Variants in CPNE1 observed in about 807,000 individuals in gnomAD.
The protein encoded by CPNE1 is copine 1, also known as copine-1.
CPNE1 carries 58 observed loss-of-function variants against 63.2 expected under a neutral mutation model. The observed-to-expected ratio is 0.92, with a 90% CI of 0.74 to 1.14. The LOEUF (loss-of-function observed/expected upper bound fraction) is 1.14. Ranked by LOEUF, CPNE1 falls within the 50% of genes most tolerant of loss-of-function variation. CPNE1 has a pLI of 0.00. For missense variants in CPNE1, 672 were observed against 661.7 expected (o/e 1.02, Z -0.17); for synonymous variants, 237 against 249.0 (o/e 0.95, Z 0.45).
chr20:35,658,186 G>A (rs1486452552), intron 1 of CPNE1, among the ~76,000 whole-genome samples: 2 of 152,200 alleles, frequency 1.3e-5, no homozygotes, highest in Non-Finnish European at 2.9e-5. Context: ...TTAAACAAGA[G>A]GGTTAGATTC....
chr20:35,634,931 A>G (rs1287873169), intron 1 of CPNE1, among the ~76,000 whole-genome samples: 2 of 134,434 alleles, frequency 1.5e-5, no homozygotes, highest in Admixed American at 1.6e-4. Flanking sequence ...TTTTGTAGAG[A>G]CAGGGTCTCA....
intron 1 of CPNE1, chr20:35,658,936 AAAC>A: frequency 1.4e-6 from 1 of 716,890 alleles, no homozygotes; most frequent in Middle Eastern, 2.3e-4. Flanking sequence ...TTACCTGATA[AAAC>A]AAGAGATGAA....
chr20:35,642,205 A>G (rs1416061074), intron 1 of CPNE1, among the ~76,000 whole-genome samples: 1 of 152,184 alleles, frequency 6.6e-6, no homozygotes, highest in Non-Finnish European at 1.5e-5. Context: ...TCAGTGCCAA[A>G]TGAGCTGAAA....
intron 1 of CPNE1, chr20:35,655,244 T>G: frequency 6.2e-7 from 1 of 1,613,712 alleles, no homozygotes; most frequent in South Asian, 1.1e-5. Flanking sequence ...TCAGGAATGG[T>G]CAATCCAGAG....
intron 1 of CPNE1, chr20:35,643,032 A>T (rs2032898590): frequency 6.6e-6 from 1 of 152,324 alleles, no homozygotes; most frequent in Non-Finnish European, 1.5e-5. Context: ...AAGTTGAACA[A>T]ATCTGACCAC....
chr20:35,660,364 G>A (rs1239835058), intron 1 of CPNE1, among the ~76,000 whole-genome samples: 1 of 152,076 alleles, frequency 6.6e-6, no homozygotes, highest in African/African-American at 2.4e-5. Flanking sequence ...CTACAGGCTT[G>A]CGCCACCACC....
intron 13 of CPNE1, among the ~76,000 whole-genome samples, chr20:35,629,963 G>A (rs2032006305): frequency 6.6e-6 from 1 of 152,128 alleles, no homozygotes; most frequent in Non-Finnish European, 1.5e-5. Context: ...CTCCTGGCCT[G>A]GCATGACGAT....
At chr20:35,643,447 G>A (rs887509796) in intron 1 of CPNE1, 2 of 152,218 alleles carry the variant, frequency 1.3e-5, no homozygotes, top group African/African-American at 2.4e-5. Context: ...AAGTCTTCAC[G>A]TGAGTACTTC....
intron 1 of CPNE1, among the ~76,000 whole-genome samples, chr20:35,634,734 CAA>C (rs2032385450): frequency 6.6e-6 from 1 of 151,908 alleles, no homozygotes; most frequent in Non-Finnish European, 1.5e-5. Flanking sequence ...TCAAATAAGC[CAA>C]GTTTGTTTGT....
rs11543239 is a variant in CPNE1 at position 35,626,251 on chromosome 20, G to A, written c.1604C>T (p.Pro535Leu). The A allele has an allele frequency of 0.058, 94,414 of 1,614,060 alleles. 3,885 individuals are homozygous for A. Among genetic ancestry groups the A allele is most frequent in the South Asian group, 0.18 (16,541 of 91,086 alleles). ...PPSAKDPAQA[P>L]QA ...AGCCTCCAAGGGAACCTAGGCCTGG[G>A]GGGCCTGTGCAGGATCCTTGGCTGA... Residue 535 changes from proline to leucine, a missense_variant, in exon 16 of 16, where the codon CCC becomes CTC. Coordinates refer to ENST00000397443, the MANE Select transcript of CPNE1 (RefSeq NM_152925.3).
intron 13 of CPNE1, among the ~76,000 whole-genome samples, chr20:35,628,084 A>G (rs1232590866): frequency 6.6e-6 from 1 of 151,866 alleles, no homozygotes; most frequent in Admixed American, 6.6e-5. Flanking sequence ...GATTGAGACC[A>G]TCCCAGCTAA....
chr20:35,654,657 A>G, intron 1 of CPNE1: 2 of 1,612,688 alleles, frequency 1.2e-6, no homozygotes, highest in Non-Finnish European at 1.7e-6. Context: ...TCGGGGGCAC[A>G]GGAGGCACAG....
chr20:35,636,460 G>A (rs992169991), intron 1 of CPNE1, among the ~76,000 whole-genome samples: 1 of 152,170 alleles, frequency 6.6e-6, no homozygotes, highest in Non-Finnish European at 1.5e-5. Flanking sequence ...GCTGAATAGT[G>A]GCTAAAAAAC....
In CPNE1 at chr20:35,654,765, C is replaced by A. The variant is rs144142577; in HGVS notation, c.-1+9995G>T. ...CTGGAATTGGAGGAATTGGTGGCGGCGGGACTGTGTTCATTGGAGAGGCTG... is the reference window on the plus strand; with the variant it reads ...CTGGAATTGGAGGAATTGGTGGCGGAGGGACTGTGTTCATTGGAGAGGCTG... On this transcript the variant is annotated intron_variant, in intron 1 of 15. Transcript: ENST00000397443. 11 of 1,613,750 alleles carry A rather than the reference C, an allele frequency of 6.8e-6. No individual in the cohort carries two copies. The East Asian group carries it at 2.5e-4, about 36-fold the overall frequency.
chr20:35,659,166 G>A (rs79094237), intron 1 of CPNE1, among the ~76,000 whole-genome samples: 1,518 of 149,534 alleles, frequency 0.01, 15 homozygotes, highest in African/African-American at 0.035. Flanking sequence ...GAAAGACACC[G>A]TAACAAAATC....
chr20:35,628,613 G>A (rs1035513792), intron 13 of CPNE1, among the ~76,000 whole-genome samples: 2 of 152,166 alleles, frequency 1.3e-5, no homozygotes, highest in African/African-American at 4.8e-5. Flanking sequence ...CAAACTGAGG[G>A]ACATTCTAGA....
chr20:35,629,075 TAC>T lies in CPNE1; in HGVS notation c.1102+1362_1102+1363del, dbSNP rs371334408. On this transcript the variant is annotated intron_variant, in intron 13 of 15. Coordinates refer to ENST00000397443, the MANE Select transcript of CPNE1 (RefSeq NM_152925.3). Reference sequence around the variant, plus strand: ...ATGTGTGTGTATATGTATACATGTGTACACACACACACACATATACACACACA... The same window carrying T: ...ATGTGTGTGTATATGTATACATGTGTACACACACACACATATACACACACA... 2.8e-4 allele frequency among the ~76,000 whole-genome samples: 43 copies of T among 151,764 alleles called. 1 individual carries two copies. Among genetic ancestry groups the T allele is most frequent in the East Asian group, 1.5e-3 (8 of 5,174 alleles).
At chr20:35,654,708 A>G (rs1436149832) in intron 1 of CPNE1, 2 of 1,613,632 alleles carry the variant, frequency 1.2e-6, no homozygotes, top group Non-Finnish European at 1.7e-6. Context: ...GAATTGGGGG[A>G]ATGGATGGCA....
At chr20:35,636,521 C>T (rs746276225) in intron 1 of CPNE1, among the ~76,000 whole-genome samples, 6 of 152,090 alleles carry the variant, frequency 3.9e-5, no homozygotes, top group Admixed American at 1.3e-4. Flanking sequence ...AAAAATAGGC[C>T]GGGCGCAGTG....
Sources: gnomAD v4.1 joint callset for allele counts (sites outside exome capture counted in the v4.1 genomes callset) on GRCh38, gnomAD v4.1.1 for gene constraint, MANE v1.5 for transcripts, NCBI Gene and HGNC (gene_info 2026-07-23, HGNC 2026-07-21) for gene names.